EYA1: variants seen among roughly 807,000 people sequenced by gnomAD.
EYA1 encodes protein phosphatase EYA1.
Under a neutral mutation model 82.0 loss-of-function variants are expected in EYA1, and 16 were observed. The ratio of observed to expected loss-of-function variants is 0.20; its 90% CI spans 0.13 to 0.30. The LOEUF (loss-of-function observed/expected upper bound fraction) is 0.30. Ranked by LOEUF, EYA1 falls within the 10% of genes least tolerant of loss-of-function variation. The pLI, the probability that EYA1 is intolerant of heterozygous loss-of-function variation, is 1.00. For synonymous variants in EYA1, 261 were observed against 264.4 expected, an observed-to-expected ratio of 0.99 and a Z score of 0.12; for missense variants, 633 against 730.7, an observed-to-expected ratio of 0.87 and a Z score of 1.54.
At chr8:71,464,887 T>C (rs1808664707) in intron 2 of EYA1, among the ~76,000 whole-genome samples, 1 of 152,202 alleles carries the variant, frequency 6.6e-6, no homozygotes, top group South Asian at 2.1e-4. Context: ...ACATTGCCTA[T>C]TACATTTCTG....
intron 11 of EYA1, among the ~76,000 whole-genome samples, chr8:71,254,243 CAAAAAAAAAA>C (rs56047377): frequency 1.1e-3 from 58 of 51,486 alleles, no homozygotes; most frequent in African/African-American, 4.6e-3. Context: ...AAGTCTTGGC[CAAAAAAAAAA>C]AAAAAAAAAA....
At chr8:71,444,045 G>A (rs1040912077) in intron 2 of EYA1, among the ~76,000 whole-genome samples, 2 of 152,156 alleles carry the variant, frequency 1.3e-5, no homozygotes, top group East Asian at 1.9e-4. Context: ...AAGATCTACC[G>A]ACTGAGTGAA....
chr8:71,408,687 T>A (rs938454209), intron 2 of EYA1, among the ~76,000 whole-genome samples: 1 of 118,128 alleles, frequency 8.5e-6, no homozygotes, highest in Non-Finnish European at 1.7e-5. Context: ...CCTAAATATA[T>A]ATGCACCCAA....
chr8:71,420,419 A>G (rs977664106), intron 2 of EYA1, among the ~76,000 whole-genome samples: 5 of 152,204 alleles, frequency 3.3e-5, no homozygotes, highest in Admixed American at 6.5e-5. Context: ...AAATTTCACA[A>G]TTCTTTTAAA....
intron 12 of EYA1, among the ~76,000 whole-genome samples, chr8:71,219,950 C>T (rs1480776862): frequency 1.3e-5 from 2 of 151,950 alleles, no homozygotes; most frequent in East Asian, 3.9e-4. Flanking sequence ...TTTTAGCTTC[C>T]AAATTTGTTT....
At chr8:71,242,228 T>A (rs1812556661) in intron 12 of EYA1, among the ~76,000 whole-genome samples, 1 of 152,006 alleles carries the variant, frequency 6.6e-6, no homozygotes, top group Non-Finnish European at 1.5e-5. Flanking sequence ...AAATAAAAAA[T>A]ATTGAAATAA....
chr8:71,472,583 A>G (rs1173303257), intron 2 of EYA1, among the ~76,000 whole-genome samples: 1 of 151,958 alleles, frequency 6.6e-6, no homozygotes, highest in African/African-American at 2.4e-5. Context: ...TCTCACAACA[A>G]TCTATTCTTC....
intron 3 of EYA1, among the ~76,000 whole-genome samples, chr8:71,351,739 A>C (rs1273081321): frequency 3.9e-5 from 6 of 152,212 alleles, no homozygotes; most frequent in Admixed American, 1.3e-4. Context: ...AGACTTAAGA[A>C]GAAACTTAAT....
chr8:71,284,486 TCTGGACTTTTG>T (rs1374988404), intron 9 of EYA1, among the ~76,000 whole-genome samples: 1 of 152,228 alleles, frequency 6.6e-6, no homozygotes, highest in Non-Finnish European at 1.5e-5. Flanking sequence ...TATTCAGTTA[TCTGGACTTTTG>T]CTGGACTTCA....
In EYA1 at chr8:71,456,526, C is replaced by G. The variant is rs377094487; in HGVS notation, c.33+79218G>C. ...AAACTATACTACAAGGCTACAGTAACCAAAACAGCATGCTACTGGTACCAA... is the reference window on the plus strand; with the variant it reads ...AAACTATACTACAAGGCTACAGTAAGCAAAACAGCATGCTACTGGTACCAA... On this transcript the variant is annotated intron_variant, in intron 2 of 18. Transcript: ENST00000643681. Among the ~76,000 whole-genome samples, 20 of 152,156 alleles carry G rather than the reference C, an allele frequency of 1.3e-4. No homozygotes were observed. The South Asian group carries it at 4.2e-3, about 32-fold the overall frequency.
chr8:71,262,728 G>A (rs374439697), intron 11 of EYA1, among the ~76,000 whole-genome samples: 11 of 152,170 alleles, frequency 7.2e-5, no homozygotes, highest in African/African-American at 2.7e-4. Context: ...TACTGGTAGT[G>A]AGGCAGAGGG....
intron 2 of EYA1, among the ~76,000 whole-genome samples, chr8:71,493,546 C>G (rs1011055669): frequency 5.9e-5 from 9 of 152,272 alleles, no homozygotes; most frequent in African/African-American, 2.2e-4. Flanking sequence ...TAATAGAAAA[C>G]TGTCATAGGA....
intron 17 of EYA1, among the ~76,000 whole-genome samples, chr8:71,203,047 T>G (rs1807261818): frequency 6.6e-6 from 1 of 152,162 alleles, no homozygotes; most frequent in Non-Finnish European, 1.5e-5. Flanking sequence ...GAACAAACAT[T>G]TCTTGTATGA....
At chr8:71,204,604 G>T (rs1167517976) in intron 17 of EYA1, among the ~76,000 whole-genome samples, 1 of 152,160 alleles carries the variant, frequency 6.6e-6, no homozygotes, top group African/African-American at 2.4e-5. Context: ...AAGCATTAGA[G>T]ATGCAAAGCT....
In EYA1 at chr8:71,222,684, G is replaced by A. The variant is rs1810079362; in HGVS notation, c.1141-5661C>T. 1.3e-5 allele frequency among the ~76,000 whole-genome samples: 2 copies of A among 152,196 alleles called. 1 individual carries two copies. Among genetic ancestry groups the A allele is most frequent in the South Asian group, 4.1e-4 (2 of 4,834 alleles). ...TTGAATTTATGGTGAAAATGCAATA[G>A]TATTTAATGTTACAACCCATTTTAC... On this transcript the variant is annotated intron_variant, in intron 12 of 17. Transcript: ENST00000340726.
At chr8:71,494,580 G>T (rs1811272031) in intron 2 of EYA1, among the ~76,000 whole-genome samples, 2 of 152,170 alleles carry the variant, frequency 1.3e-5, no homozygotes, top group Middle Eastern at 6.8e-3. Flanking sequence ...AGAAAAGTAG[G>T]CCAATAACTG....
chr8:71,344,675 C>T (rs555759539), intron 3 of EYA1, among the ~76,000 whole-genome samples: 2 of 152,146 alleles, frequency 1.3e-5, no homozygotes, highest in Non-Finnish European at 2.9e-5. Flanking sequence ...TAGATCTGGA[C>T]AATCAGTGAA....
chr8:71,298,945 T>C, intron 9 of EYA1, 102 bp downstream of exon 9: 5 of 1,143,924 alleles, frequency 4.4e-6, no homozygotes, highest in Non-Finnish European at 6.6e-6. Flanking sequence ...TGCCAAAAGC[T>C]GCCAAAATTG....
At chr8:71,305,638 C>A (rs1820645273) in intron 7 of EYA1, among the ~76,000 whole-genome samples, 2 of 132,602 alleles carry the variant, frequency 1.5e-5, no homozygotes, top group South Asian at 5.0e-4. Flanking sequence ...AAGAGTGTAA[C>A]TCTATCTCAA....
Sources: gnomAD v4.1 joint callset for allele counts (sites outside exome capture counted in the v4.1 genomes callset) on GRCh38, gnomAD v4.1.1 for gene constraint, MANE v1.5 for transcripts, NCBI Gene and HGNC (gene_info 2026-07-23, HGNC 2026-07-21) for gene names.